MAOA: variants seen among roughly 807,000 people sequenced by gnomAD.
The protein encoded by MAOA is amine oxidase [flavin-containing] A.
In MAOA, 6 loss-of-function variants were observed where a neutral mutation model predicts 42.0. The observed-to-expected ratio is 0.14, with a 90% CI of 0.08 to 0.28. The LOEUF is 0.28. Ranked by LOEUF, MAOA falls within the 10% of genes least tolerant of loss-of-function variation. MAOA has a pLI of 1.00. For synonymous variants in MAOA, 140 were observed against 154.0 expected (o/e 0.91, Z 0.67); for missense variants, 262 against 422.3 (o/e 0.62, Z 3.33).
At chrX:43,669,632 T>C (rs938656631) in intron 1 of MAOA, among the ~76,000 whole-genome samples, 1 of 111,162 alleles carries the variant, frequency 9.0e-6, no homozygotes, top group Non-Finnish European at 1.9e-5. Flanking sequence ...TAATGTTAAA[T>C]AAAATTGGTA....
chrX:43,680,377 T>G (rs946865845), intron 1 of MAOA, among the ~76,000 whole-genome samples: 3 of 110,796 alleles, frequency 2.7e-5, no homozygotes, highest in African/African-American at 9.8e-5. Context: ...GAGTAGGGAA[T>G]AAAAAAACAA....
chrX:43,663,123 A>C (rs1439653436), intron 1 of MAOA, among the ~76,000 whole-genome samples: 1 of 111,160 alleles, frequency 9.0e-6, no homozygotes, highest in Non-Finnish European at 1.9e-5. Flanking sequence ...TTTCATGAAG[A>C]TCCGTCTCTT....
At chrX:43,743,742 A>G in intron 12 of MAOA, 52 bp from the exon 13 acceptor site, 1 of 1,138,301 alleles carries the variant, frequency 8.8e-7, no homozygotes, top group East Asian at 3.3e-5. Context: ...TGGCTCATTT[A>G]CCCTGCCCAC....
Position 43,728,475 on chromosome X carries a change from C to T in MAOA, c.645+161C>T, listed in dbSNP as rs183104378. Among the ~76,000 whole-genome samples the T allele has an allele frequency of 1.3e-4, 15 of 112,407 alleles. No individual in the cohort carries two copies. The East Asian group carries it at 4.2e-3, about 31-fold the overall frequency. Reference sequence around the variant, plus strand: ...TTTCTGAAAAAAAAATTTCTCATTTCCTTTTGTCACTCCTGAAAAGGAGTT... The same window carrying T: ...TTTCTGAAAAAAAAATTTCTCATTTTCTTTTGTCACTCCTGAAAAGGAGTT... On this transcript the variant is annotated intron_variant, in intron 6 of 14. Transcript: ENST00000338702.
At chrX:43,730,577 C>T (rs146248239) in intron 6 of MAOA, among the ~76,000 whole-genome samples, 6,301 of 104,514 alleles carry the variant, frequency 0.06, 522 homozygotes, top group African/African-American at 0.21. Context: ...CTGCAACCTC[C>T]GCCTCCTGGG....
At chrX:43,657,252 A>G (rs962624777) in intron 1 of MAOA, among the ~76,000 whole-genome samples, 1 of 86,627 alleles carries the variant, frequency 1.2e-5, no homozygotes, top group African/African-American at 4.1e-5. Flanking sequence ...CTGTGTTTAT[A>G]TATATATATA....
At chrX:43,744,319 CCTT>C in intron 14 of MAOA, 45 bp from the exon 15 acceptor site, 1 of 1,201,278 alleles carries the variant, frequency 8.3e-7, no homozygotes, top group Non-Finnish European at 1.1e-6. Flanking sequence ...TTTTGTTCCT[CCTT>C]GTCAGCATGA....
intron 1 of MAOA, among the ~76,000 whole-genome samples, chrX:43,660,343 C>A (rs1281265020): frequency 9.0e-6 from 1 of 110,753 alleles, no homozygotes; most frequent in African/African-American, 3.3e-5. Flanking sequence ...ATTCAGTGTT[C>A]TCCCAAACTT....
At chrX:43,703,395 G>A (rs1332104155) in intron 3 of MAOA, among the ~76,000 whole-genome samples, 1 of 112,160 alleles carries the variant, frequency 8.9e-6, no homozygotes, top group Non-Finnish European at 1.9e-5. Flanking sequence ...TCAGCATGAA[G>A]CCCATGATGC....
At chrX:43,679,799 T>C (rs1175743808) in intron 1 of MAOA, among the ~76,000 whole-genome samples, 1 of 112,393 alleles carries the variant, frequency 8.9e-6, no homozygotes, top group Non-Finnish European at 1.9e-5. Context: ...ATATGGAGTA[T>C]TACTTTGAGC....
chrX:43,744,642 C>A lies in MAOA; in HGVS notation c.*129C>A. ...GATTTAACTACCTTTGGCTTAATTCCAATCATTGTTAAAGTAAAAACAATT... is the reference window on the plus strand; with the variant it reads ...GATTTAACTACCTTTGGCTTAATTCAAATCATTGTTAAAGTAAAAACAATT... On this transcript the variant is annotated 3_prime_UTR_variant, in exon 15 of 15. Transcript: ENST00000338702. The A allele has an allele frequency of 1.4e-6, 1 of 703,585 alleles. No individual in the cohort carries two copies. Among genetic ancestry groups the A allele is most frequent in the Non-Finnish European group, 2.2e-6 (1 of 452,097 alleles). The allele number at this position is 703,585 out of a possible 1,213,427, so 58.0% of individuals were successfully genotyped here. A position where few individuals can be genotyped will look rare whatever the true frequency, so the allele number is the denominator to read the frequency against.
chrX:43,743,924 G>A lies in MAOA; in HGVS notation c.1374+19G>A, dbSNP rs200078877. 6.6e-4 allele frequency: 765 copies of A among 1,166,601 alleles called. 3 individuals are homozygous for A. The African/African-American group carries it at 0.012, about 18-fold the overall frequency. The stretch of plus-strand genomic sequence containing the variant: ...TAGGGAGGTAAGCAGGAAAGCCCAG[G>A]CTCTCTCCCTCCCGAGTCACGGCAA... On this transcript the variant is annotated intron_variant, in intron 13 of 14. Transcript: ENST00000338702.
chrX:43,659,196 T>C (rs1207966248), intron 1 of MAOA, among the ~76,000 whole-genome samples: 7 of 112,030 alleles, frequency 6.2e-5, no homozygotes, highest in Non-Finnish European at 1.3e-4. Context: ...ATGTATCTCC[T>C]TTTTTGTCAT....
Position 43,712,803 on chromosome X carries a change from A to G in MAOA, c.503+7A>G. ...ACAAAATCTGCTGGACAAAGTAAGT[A>G]GACTTGACCATTCAAAATTTACTTT... is the stretch of plus-strand genomic sequence containing the variant. On this transcript the variant is annotated splice_region_variant and intron_variant, in intron 5 of 14. Coordinates refer to ENST00000338702, the MANE Select transcript of MAOA (RefSeq NM_000240.4). 1 of 1,155,469 alleles carries G rather than the reference A, an allele frequency of 8.7e-7. No homozygotes were observed. Among genetic ancestry groups the G allele is most frequent in the Non-Finnish European group, 1.2e-6 (1 of 844,600 alleles).
At position 43,744,474 on chromosome X, in the gene MAOA, G is replaced by T. The variant is rs1223537199; in HGVS notation, c.1545G>T (p.Gly515=). 8.3e-7 allele frequency: 1 copy of T among 1,208,387 alleles called. No homozygotes were observed. Among genetic ancestry groups the T allele is most frequent in the Non-Finnish European group, 1.1e-6 (1 of 894,381 alleles). Residue 515 remains glycine (G), a synonymous_variant, in exon 15 of 15, where the codon GGG becomes GGT. Coordinates refer to ENST00000338702, the MANE Select transcript of MAOA (RefSeq NM_000240.4). ...IGFSTSVTAL[G]FVLYKYKLLP... is the part of the protein sequence containing the mutation. ...TTTCCACATCAGTAACTGCCCTGGGGTTTGTGCTGTACAAATACAAGCTCC... is the reference window on the plus strand; with the variant it reads ...TTTCCACATCAGTAACTGCCCTGGGTTTTGTGCTGTACAAATACAAGCTCC...
At chrX:43,687,805 A>G (rs924532385) in intron 2 of MAOA, among the ~76,000 whole-genome samples, 2 of 112,583 alleles carry the variant, frequency 1.8e-5, no homozygotes, top group Non-Finnish European at 3.7e-5. Context: ...GTCATGCTCA[A>G]CACTACCAGA....
At position 43,744,788 on chromosome X, in the gene MAOA, A is replaced by T; in HGVS notation, c.*275A>T. 2.7e-6 allele frequency: 1 copy of T among 376,229 alleles called. No homozygotes were observed. Among genetic ancestry groups the T allele is most frequent in the South Asian group, 3.7e-5 (1 of 26,890 alleles). 31.0% of individuals were successfully genotyped at this position (376,229 alleles called of 1,213,427 possible). A position where few individuals can be genotyped will look rare whatever the true frequency, so the allele number is the denominator to read the frequency against. ...TCACTTTCTGAAATTCACAAAGTTA[A>T]ACGTGATGTGCTCATCAGAAACAAT... is the stretch of plus-strand genomic sequence containing the variant. On this transcript the variant is annotated 3_prime_UTR_variant, in exon 15 of 15. Coordinates refer to ENST00000338702, the MANE Select transcript of MAOA (RefSeq NM_000240.4).
At chrX:43,709,797 G>A (rs940207099) in intron 3 of MAOA, among the ~76,000 whole-genome samples, 9 of 111,491 alleles carry the variant, frequency 8.1e-5, no homozygotes, top group African/African-American at 2.9e-4. Flanking sequence ...GTATGTATTA[G>A]CATTTTCCAA....
At chrX:43,719,973 C>A (rs190235476) in intron 5 of MAOA, among the ~76,000 whole-genome samples, 2 of 109,252 alleles carry the variant, frequency 1.8e-5, no homozygotes, top group African/African-American at 6.7e-5. Context: ...TGTTATCTAA[C>A]AAAATGACTG....
Sources: allele counts gnomAD v4.1 joint callset (sites outside exome capture counted in the v4.1 genomes callset), GRCh38; gene constraint gnomAD v4.1.1; transcripts MANE v1.5; gene names NCBI Gene and HGNC (gene_info 2026-07-23, HGNC 2026-07-21).